MSRB3: variants seen among roughly 807,000 people sequenced by gnomAD.
MSRB3 encodes the protein methionine sulfoxide reductase B3.
In MSRB3, 13 loss-of-function variants were observed where a neutral mutation model predicts 21.0. The observed-to-expected ratio is 0.62, with a 90% CI of 0.40 to 0.98. The LOEUF is 0.98. Among genes scored for constraint, MSRB3 ranks in the 50% least tolerant of loss-of-function variants. MSRB3 has a pLI of 0.00. For synonymous variants in MSRB3, 87 were observed against 88.6 expected (o/e 0.98, Z 0.10); for missense variants, 199 against 230.3 (o/e 0.86, Z 0.88).
At chr12:65,290,293 G>A (rs60739433) in intron 1 of MSRB3, among the ~76,000 whole-genome samples, 6,319 of 152,228 alleles carry the variant, frequency 0.042, 430 homozygotes, top group African/African-American at 0.15. Flanking sequence ...AGGCAAGAGT[G>A]TTCAGTAATT....
At position 65,326,824 on chromosome 12, in the gene MSRB3, A is replaced by G. The variant is rs145704693; in HGVS notation, c.77-2A>G. On this transcript the variant is annotated splice_acceptor_variant, in intron 2 of 6. Transcript: ENST00000308259. LOFTEE classifies it high-confidence loss of function. ...CTTCTCCCATATCCTCTCTCTTTTC[A>G]GGGTCGTGTAGGGATAAAAAGAACT... The G allele has an allele frequency of 4.2e-5, 67 of 1,612,078 alleles. No individual in the cohort carries two copies. Among genetic ancestry groups the G allele is most frequent in the Non-Finnish European group, 4.8e-5 (57 of 1,178,508 alleles).
At chr12:65,279,066 AAGG>A in intron 1 of MSRB3, 1 of 1,418,386 alleles carries the variant, frequency 7.1e-7, no homozygotes, top group Non-Finnish European at 9.2e-7. Flanking sequence ...GGCCGAACGG[AAGG>A]AGGTCAGGGC....
intron 5 of MSRB3, among the ~76,000 whole-genome samples, chr12:65,450,279 G>A (rs779928592): frequency 3.0e-4 from 46 of 152,096 alleles, no homozygotes; most frequent in Admixed American, 7.9e-4. Context: ...AGATGAATGT[G>A]GCCTGATGGG....
intron 6 of MSRB3, among the ~76,000 whole-genome samples, chr12:65,457,859 T>TTTA (rs367883860): frequency 2.0e-5 from 3 of 151,600 alleles, no homozygotes; most frequent in African/African-American, 4.8e-5. Flanking sequence ...AGAGTTTTAT[T>TTTA]TTATTATTAT....
At chr12:65,285,660 A>G (rs1872298414) in intron 1 of MSRB3, 3 of 152,140 alleles carry the variant, frequency 2.0e-5, no homozygotes, top group Non-Finnish European at 4.4e-5. Flanking sequence ...TCTCTACAAA[A>G]ACTACAAAAA....
intron 2 of MSRB3, among the ~76,000 whole-genome samples, chr12:65,318,827 A>G (rs1194647652): frequency 1.3e-5 from 2 of 152,176 alleles, no homozygotes; most frequent in Non-Finnish European, 2.9e-5. Context: ...AGTTGATAAG[A>G]TACTCTTTAG....
chr12:65,401,851 A>C (rs1880144161), intron 5 of MSRB3, among the ~76,000 whole-genome samples: 1 of 152,118 alleles, frequency 6.6e-6, no homozygotes, highest in Admixed American at 6.6e-5. Flanking sequence ...AGAGGATTTT[A>C]TTTCTTTTTT....
rs543933815 is a variant in MSRB3, at chr12:65,451,034, A to C, written c.293-2694A>C. Among the ~76,000 whole-genome samples, 234 of 152,258 alleles carry C rather than the reference A, an allele frequency of 1.5e-3. 1 individual carries two copies. The highest frequency in any genetic ancestry group is 2.3e-3 in the Non-Finnish European group (157 of 67,992). The stretch of plus-strand genomic sequence containing the variant: ...TTTTTCTGAGAAGTCTAGCAAAGCA[A>C]CTCAGCATTCTCCTTTGTTAACCTT... On this transcript the variant is annotated intron_variant, in intron 5 of 6. Transcript: ENST00000308259.
chr12:65,462,207 T>A (rs1418015596), intron 6 of MSRB3, among the ~76,000 whole-genome samples: 2 of 152,158 alleles, frequency 1.3e-5, no homozygotes, highest in African/African-American at 4.8e-5. Flanking sequence ...TTGAATATGG[T>A]GCACCAGTGT....
chr12:65,431,052 T>C (rs1881852964), intron 5 of MSRB3, among the ~76,000 whole-genome samples: 1 of 152,100 alleles, frequency 6.6e-6, no homozygotes, highest in Non-Finnish European at 1.5e-5. Flanking sequence ...ATTAGATTAC[T>C]TTAGTGAGTA....
intron 5 of MSRB3, among the ~76,000 whole-genome samples, chr12:65,409,019 T>C (rs1394262731): frequency 2.0e-5 from 3 of 152,180 alleles, no homozygotes; most frequent in Non-Finnish European, 4.4e-5. Flanking sequence ...CATATGAAAG[T>C]GTGTCCCTTC....
intron 6 of MSRB3, among the ~76,000 whole-genome samples, chr12:65,458,171 T>C (rs918770027): frequency 2.0e-5 from 3 of 152,178 alleles, no homozygotes; most frequent in Admixed American, 6.5e-5. Flanking sequence ...CTGAATCAAC[T>C]CAACCTGATC....
intron 5 of MSRB3, among the ~76,000 whole-genome samples, chr12:65,387,340 C>A (rs1287230690): frequency 6.6e-6 from 1 of 151,988 alleles, no homozygotes; most frequent in Non-Finnish European, 1.5e-5. Flanking sequence ...CCCCCTTGGA[C>A]ACACTGACAG....
chr12:65,375,133 C>T lies in MSRB3; in HGVS notation c.292+6107C>T, dbSNP rs909948143. 2.0e-5 allele frequency among the ~76,000 whole-genome samples: 3 copies of T among 152,026 alleles called. No individual in the cohort carries two copies. The South Asian group carries it at 6.2e-4, about 32-fold the overall frequency. On this transcript the variant is annotated intron_variant, in intron 5 of 6. Coordinates refer to ENST00000308259, the MANE Select transcript of MSRB3 (RefSeq NM_001031679.3). Reference sequence around the variant, plus strand: ...GTGCTGGGATTACAGGCGTGAGCCACCGCGCCCGGCCTATATCAATCTTTC... The same window carrying T: ...GTGCTGGGATTACAGGCGTGAGCCATCGCGCCCGGCCTATATCAATCTTTC...
intron 4 of MSRB3, among the ~76,000 whole-genome samples, chr12:65,364,288 T>C (rs529711414): frequency 2.0e-5 from 3 of 152,174 alleles, no homozygotes; most frequent in African/African-American, 7.2e-5. Flanking sequence ...TGGGAAATAA[T>C]GTGGAAATAT....
At chr12:65,439,213 G>T (rs1882258684) in intron 5 of MSRB3, among the ~76,000 whole-genome samples, 1 of 151,528 alleles carries the variant, frequency 6.6e-6, no homozygotes, top group South Asian at 2.1e-4. Flanking sequence ...TAATAAAAAG[G>T]TACTATTCAT....
At chr12:65,349,594 T>C (rs989512095) in intron 4 of MSRB3, among the ~76,000 whole-genome samples, 4 of 147,372 alleles carry the variant, frequency 2.7e-5, no homozygotes, top group Admixed American at 1.3e-4. Flanking sequence ...TTTTAATGAT[T>C]GCCATTCTAA....
intron 1 of MSRB3, among the ~76,000 whole-genome samples, chr12:65,281,109 G>A (rs1871990154): frequency 6.6e-6 from 1 of 152,058 alleles, no homozygotes; most frequent in African/African-American, 2.4e-5. Flanking sequence ...CACTCCTGTG[G>A]TCTCAGCTAC....
intron 6 of MSRB3, among the ~76,000 whole-genome samples, chr12:65,461,939 A>G (rs935463699): frequency 6.6e-6 from 1 of 152,076 alleles, no homozygotes. Flanking sequence ...AACATTTCAT[A>G]TCACCTTCCT....
Sources: gnomAD v4.1 joint callset for allele counts (sites outside exome capture counted in the v4.1 genomes callset) on GRCh38, gnomAD v4.1.1 for gene constraint, MANE v1.5 for transcripts, NCBI Gene and HGNC (gene_info 2026-07-23, HGNC 2026-07-21) for gene names.